CNTNAP2: variants seen among roughly 807,000 people sequenced by gnomAD.
CNTNAP2 encodes the protein contactin-associated protein-like 2.
In CNTNAP2, 98 loss-of-function variants were observed where a neutral mutation model predicts 155.2. That is an observed-to-expected ratio of 0.63 (90% CI 0.54 to 0.75). The LOEUF (loss-of-function observed/expected upper bound fraction) is 0.75, where lower values mean the gene tolerates loss of function less well. Ranked by LOEUF, CNTNAP2 falls within the 30% of genes least tolerant of loss-of-function variation. The pLI is 0.00. For missense variants in CNTNAP2, 1,727 were observed against 1,688.1 expected (o/e 1.02, Z -0.40); for synonymous variants, 651 against 631.2 (o/e 1.03, Z -0.47).
intron 13 of CNTNAP2, among the ~76,000 whole-genome samples, chr7:147,778,111 G>C (rs1029824442): frequency 4.6e-5 from 7 of 152,124 alleles, no homozygotes; most frequent in African/African-American, 1.2e-4. Flanking sequence ...CCTGACTCAT[G>C]CTTCGGCATA....
chr7:146,550,532 T>C (rs1249239269), intron 1 of CNTNAP2, among the ~76,000 whole-genome samples: 7 of 148,240 alleles, frequency 4.7e-5, no homozygotes, highest in East Asian at 2.0e-4. Context: ...AAATAAAATA[T>C]GTGTATATGT....
intron 1 of CNTNAP2, among the ~76,000 whole-genome samples, chr7:146,241,321 C>T (rs966864775): frequency 3.9e-5 from 6 of 152,318 alleles, no homozygotes; most frequent in Non-Finnish European, 8.8e-5. Context: ...AGCTTTCATA[C>T]AGACCTGTAC....
At chr7:148,023,509 T>A (rs1192386242) in intron 15 of CNTNAP2, among the ~76,000 whole-genome samples, 1 of 152,180 alleles carries the variant, frequency 6.6e-6, no homozygotes, top group Non-Finnish European at 1.5e-5. Flanking sequence ...TTTGCCTGAA[T>A]TGGGAAAGAA....
chr7:147,224,050 A>AC (rs11427971), intron 8 of CNTNAP2, among the ~76,000 whole-genome samples: 122,831 of 151,498 alleles, frequency 0.81, 50,452 homozygotes, highest in African/African-American at 0.95. Context: ...GAGAACTGTC[A>AC]GCCAGCGCTT....
chr7:147,464,321 G>T lies in CNTNAP2; in HGVS notation c.1671-21614G>T, dbSNP rs544637501. 4.9e-4 allele frequency among the ~76,000 whole-genome samples: 74 copies of T among 152,098 alleles called. No individual in the cohort carries two copies. In the South Asian group the frequency reaches 0.014, roughly 29 times the overall value. On this transcript the variant is annotated intron_variant, in intron 10 of 23. Transcript: ENST00000361727. ...TCTCTACTAAAAATACAAAAAATTA[G>T]CTGGGCCTGGTGACGCATGCCTGTA...
chr7:147,308,223 C>T (rs938603872), intron 9 of CNTNAP2, among the ~76,000 whole-genome samples: 4 of 151,908 alleles, frequency 2.6e-5, no homozygotes, highest in African/African-American at 7.3e-5. Context: ...GTGCAGGGAG[C>T]GATTAGGAAA....
At chr7:147,802,128 C>A (rs561410404) in intron 13 of CNTNAP2, among the ~76,000 whole-genome samples, 2 of 147,224 alleles carry the variant, frequency 1.4e-5, no homozygotes, top group African/African-American at 5.1e-5. Flanking sequence ...CGCTCCTCAC[C>A]TCCCAGACGG....
intron 21 of CNTNAP2, among the ~76,000 whole-genome samples, chr7:148,326,061 C>T (rs778522812): frequency 3.0e-4 from 45 of 152,058 alleles, no homozygotes; most frequent in Admixed American, 7.2e-4. Context: ...ATTACTGCCA[C>T]GTGGGGAGCT....
intron 12 of CNTNAP2, among the ~76,000 whole-genome samples, chr7:147,572,193 C>CGG (rs200065656): frequency 1.7e-5 from 2 of 116,976 alleles, no homozygotes; most frequent in Non-Finnish European, 1.9e-5. Context: ...AGCCTCATTC[C>CGG]AGAGCTTCTG....
chr7:148,401,459 A>G (rs557887398), intron 22 of CNTNAP2, among the ~76,000 whole-genome samples: 1 of 152,332 alleles, frequency 6.6e-6, no homozygotes, highest in South Asian at 2.1e-4. Context: ...ATAACCAAAC[A>G]TTAGGACTGG....
At chr7:147,902,542 T>C (rs1799886671) in intron 13 of CNTNAP2, among the ~76,000 whole-genome samples, 1 of 152,074 alleles carries the variant, frequency 6.6e-6, no homozygotes, top group Non-Finnish European at 1.5e-5. Flanking sequence ...TTTGTCATCT[T>C]TTATCCCTCA....
intron 15 of CNTNAP2, among the ~76,000 whole-genome samples, chr7:148,106,495 T>TAGATAG (rs1396846974): frequency 1.4e-3 from 22 of 15,876 alleles, no homozygotes; most frequent in Non-Finnish European, 3.3e-3. Context: ...CACTTTGAGA[T>TAGATAG]ATATATATAT....
At chr7:146,731,070 A>G (rs1052245383) in intron 1 of CNTNAP2, among the ~76,000 whole-genome samples, 3 of 152,192 alleles carry the variant, frequency 2.0e-5, no homozygotes, top group Admixed American at 6.5e-5. Flanking sequence ...TGTATTTTAC[A>G]GATGAGAAAA....
intron 1 of CNTNAP2, among the ~76,000 whole-genome samples, chr7:146,253,675 T>G (rs1464358662): frequency 6.6e-6 from 1 of 152,182 alleles, no homozygotes; most frequent in Non-Finnish European, 1.5e-5. Context: ...TCTGAGATGA[T>G]CAGATATAAT....
intron 1 of CNTNAP2, among the ~76,000 whole-genome samples, chr7:146,773,596 G>T (rs1802335484): frequency 1.3e-5 from 2 of 152,262 alleles, no homozygotes; most frequent in South Asian, 4.1e-4. Flanking sequence ...GGTTTCTCCT[G>T]TTGGTCAGGC....
intron 15 of CNTNAP2, among the ~76,000 whole-genome samples, chr7:148,028,037 T>A (rs1005936971): frequency 4.6e-5 from 7 of 152,202 alleles, no homozygotes; most frequent in Non-Finnish European, 8.8e-5. Flanking sequence ...TCCTTCATAC[T>A]CATAAACATT....
At chr7:147,313,479 ATG>A (rs1455426499) in intron 9 of CNTNAP2, among the ~76,000 whole-genome samples, 1 of 150,486 alleles carries the variant, frequency 6.6e-6, no homozygotes, top group Non-Finnish European at 1.5e-5. Flanking sequence ...CTTTCTACAT[ATG>A]GCTAGCCAGT....
intron 1 of CNTNAP2, among the ~76,000 whole-genome samples, chr7:146,160,723 CA>C (rs1479915982): frequency 6.6e-6 from 1 of 151,826 alleles, no homozygotes; most frequent in Non-Finnish European, 1.5e-5. Context: ...GCCTACCAAC[CA>C]AAAAAAGTCC....
intron 10 of CNTNAP2, among the ~76,000 whole-genome samples, chr7:147,419,089 C>G (rs1797245927): frequency 6.6e-6 from 1 of 152,178 alleles, no homozygotes; most frequent in Non-Finnish European, 1.5e-5. Context: ...TTTCAATGAG[C>G]ATTCAAAGGT....
Sources: gnomAD v4.1 joint callset for allele counts (sites outside exome capture counted in the v4.1 genomes callset) on GRCh38, gnomAD v4.1.1 for gene constraint, MANE v1.5 for transcripts, NCBI Gene and HGNC (gene_info 2026-07-23, HGNC 2026-07-21) for gene names.